ULK4: variants seen among roughly 807,000 people sequenced by gnomAD.
ULK4 encodes unc-51 like kinase 4.
ULK4 carries 133 observed loss-of-function variants against 160.6 expected under a neutral mutation model. The ratio of observed to expected loss-of-function variants is 0.83; its 90% confidence interval spans 0.72 to 0.96. The LOEUF is 0.96. Among genes scored for constraint, ULK4 ranks in the 40% least tolerant of loss-of-function variants. The pLI is 0.00. For synonymous variants in ULK4, 534 were observed against 539.8 expected (o/e 0.99, Z 0.15); for missense variants, 1,580 against 1,499.5 (o/e 1.05, Z -0.89).
chr3:41,384,178 T>C (rs1182330223), intron 35 of ULK4, among the ~76,000 whole-genome samples: 1 of 152,098 alleles, frequency 6.6e-6, no homozygotes, highest in Non-Finnish European at 1.5e-5. Context: ...TGCTTCTTAA[T>C]ATGATATAGT....
At chr3:41,590,309 G>A (rs1328132012) in intron 31 of ULK4, among the ~76,000 whole-genome samples, 1 of 150,682 alleles carries the variant, frequency 6.6e-6, no homozygotes, top group Non-Finnish European at 1.5e-5. Context: ...GCCCCCAAAT[G>A]CAAGTTTTAA....
rs1553638201 is a variant in ULK4, at chr3:41,279,264, A to AAC, written c.3679-29691_3679-29690insGT. ...TTAGAGAAAAAAAGAGTAAAAAAAA[A>AAC]AAAAAAAAAAACAAAACGACAAAGC... On this transcript the variant is annotated intron_variant, in intron 35 of 36. Transcript: ENST00000301831. Among the ~76,000 whole-genome samples, 315 of 144,082 alleles carry AAC rather than the reference A, an allele frequency of 2.2e-3. 1 individual carries two copies. The highest frequency in any genetic ancestry group is 3.4e-3 in the Middle Eastern group (1 of 290). 94.5% of individuals were successfully genotyped at this position (144,082 alleles called of 152,430 possible). A position where few individuals can be genotyped will look rare whatever the true frequency, so the allele number is the denominator to read the frequency against.
At position 41,316,241 on chromosome 3, in the gene ULK4, T is replaced by TA. The variant is rs759210044; in HGVS notation, c.3679-66668dup. Among the ~76,000 whole-genome samples, 192 of 152,314 alleles carry TA rather than the reference T, an allele frequency of 1.3e-3. 3 individuals carry two copies. Among genetic ancestry groups the TA allele is most frequent in the Admixed American group, 9.1e-4 (14 of 15,306 alleles). ...GCACCGACGCATGCTACAAAATAGA[T>TA]AAAATCTGAAAGCATTATACTAAGT... is the stretch of plus-strand genomic sequence containing the variant. On this transcript the variant is annotated intron_variant, in intron 35 of 36. Transcript: ENST00000301831.
chr3:41,953,293 T>TATATACACAC (rs1284756699), intron 2 of ULK4, among the ~76,000 whole-genome samples: 2 of 113,070 alleles, frequency 1.8e-5, no homozygotes, highest in Non-Finnish European at 3.4e-5. Context: ...CACATATATA[T>TATATACACAC]ATATATATAT....
chr3:41,545,163 T>G (rs77504305), intron 32 of ULK4, among the ~76,000 whole-genome samples: 2,503 of 148,262 alleles, frequency 0.017, 76 homozygotes, highest in African/African-American at 0.059. Flanking sequence ...CCGTTTTATT[T>G]TAGGTAATTA....
At chr3:41,782,678 T>C (rs1028523312) in intron 21 of ULK4, among the ~76,000 whole-genome samples, 2 of 152,166 alleles carry the variant, frequency 1.3e-5, no homozygotes, top group African/African-American at 4.8e-5. Flanking sequence ...TGCAAGTACA[T>C]ATAAAACTAC....
At chr3:41,370,432 C>T (rs1316932152) in intron 35 of ULK4, among the ~76,000 whole-genome samples, 2 of 152,162 alleles carry the variant, frequency 1.3e-5, no homozygotes, top group Non-Finnish European at 2.9e-5. Flanking sequence ...GTGATTTCTA[C>T]ATTTCCAACT....
intron 32 of ULK4, among the ~76,000 whole-genome samples, chr3:41,539,455 T>G (rs573416751): frequency 6.6e-6 from 1 of 152,272 alleles, no homozygotes; most frequent in South Asian, 2.1e-4. Context: ...TGAAGCTCAC[T>G]GTTACCCTAC....
rs1434699872 is a variant in ULK4, at chr3:41,896,922, T to C, written c.1430A>G (p.Lys477Arg). The C allele has an allele frequency of 6.2e-7, 1 of 1,613,548 alleles. No individual in the cohort carries two copies. Among genetic ancestry groups the C allele is most frequent in the Non-Finnish European group, 8.5e-7 (1 of 1,179,880 alleles). The part of the protein sequence containing the change: ...QVCSQIDSTE[K>R]SMGASRAKLN... ...CTTGGCTCGGGAGGCCCCCATGCTC[T>C]TCTCAGTGGAGTCGATCTGCGAGCA... The change falls in exon 15 of 37, where the codon AAG (lysine) becomes AGG (arginine). Residue 477 changes from lysine to arginine, a missense_variant. Coordinates refer to ENST00000301831, the MANE Select transcript of ULK4 (RefSeq NM_017886.4).
intron 25 of ULK4, among the ~76,000 whole-genome samples, chr3:41,707,989 T>G (rs1040021844): frequency 2.0e-5 from 3 of 151,976 alleles, no homozygotes. Context: ...TAAGAATGGC[T>G]ATTATCAAAA....
At chr3:41,793,125 A>C (rs2040199605) in intron 20 of ULK4, among the ~76,000 whole-genome samples, 1 of 152,026 alleles carries the variant, frequency 6.6e-6, no homozygotes, top group Admixed American at 6.5e-5. Context: ...ATGAGCCAAG[A>C]TCATGCCACT....
intron 35 of ULK4, among the ~76,000 whole-genome samples, chr3:41,330,187 A>G (rs1284340514): frequency 6.6e-6 from 1 of 151,316 alleles, no homozygotes; most frequent in Admixed American, 6.6e-5. Flanking sequence ...CAAACCCCTC[A>G]CTCCTATTTC....
At chr3:41,932,694 C>T (rs558844248) in intron 4 of ULK4, among the ~76,000 whole-genome samples, 82 of 152,242 alleles carry the variant, frequency 5.4e-4, no homozygotes, top group South Asian at 2.1e-4. Context: ...TATTATTTCC[C>T]GTATTAAAAG....
At chr3:41,793,921 G>A (rs1052299825) in intron 20 of ULK4, among the ~76,000 whole-genome samples, 5 of 152,180 alleles carry the variant, frequency 3.3e-5, no homozygotes, top group Non-Finnish European at 7.3e-5. Flanking sequence ...AAGCCACACT[G>A]GTGTATTTTA....
In ULK4 at chr3:41,398,157, C is replaced by T; in HGVS notation, c.3600G>A (p.Val1200=). 1 of 1,613,512 alleles carries T rather than the reference C, an allele frequency of 6.2e-7. No individual in the cohort carries two copies. Among genetic ancestry groups the T allele is most frequent in the Admixed American group, 1.7e-5 (1 of 59,918 alleles). The change falls in exon 35 of 37, where the codon GTG becomes GTA. Residue 1200 remains valine (V), a synonymous_variant. Coordinates refer to ENST00000301831, the MANE Select transcript of ULK4 (RefSeq NM_017886.4). ...ATGTCAGTAAATGAGCAAAAATTTCCACATTTTCAGGAGAGAGGCTGTCCG... is the reference window on the plus strand; with the variant it reads ...ATGTCAGTAAATGAGCAAAAATTTCTACATTTTCAGGAGAGAGGCTGTCCG... ...ENPDSLSPEN[V]EIFAHLLTSK...
chr3:41,261,617 C>G (rs141906185), intron 35 of ULK4, among the ~76,000 whole-genome samples: 28 of 152,292 alleles, frequency 1.8e-4, no homozygotes, highest in African/African-American at 6.7e-4. Flanking sequence ...ACTGCTCTGC[C>G]GGCCATCTCT....
intron 17 of ULK4, among the ~76,000 whole-genome samples, chr3:41,870,929 G>A (rs1027058257): frequency 3.3e-5 from 5 of 152,106 alleles, no homozygotes; most frequent in Non-Finnish European, 7.4e-5. Context: ...TGAATCATGG[G>A]GGTGGTTTCC....
intron 19 of ULK4, among the ~76,000 whole-genome samples, chr3:41,801,574 G>A (rs1025387542): frequency 4.0e-5 from 6 of 151,794 alleles, no homozygotes; most frequent in Non-Finnish European, 5.9e-5. Flanking sequence ...TATGGACAAG[G>A]AGCAATGTCC....
chr3:41,735,224 A>G (rs2037987099), intron 22 of ULK4, among the ~76,000 whole-genome samples: 1 of 152,218 alleles, frequency 6.6e-6, no homozygotes, highest in African/African-American at 2.4e-5. Context: ...GTACAGGTGA[A>G]GAGGAGAAAC....
Sources: gnomAD v4.1 joint callset for allele counts (sites outside exome capture counted in the v4.1 genomes callset) on GRCh38, gnomAD v4.1.1 for gene constraint, MANE v1.5 for transcripts, NCBI Gene and HGNC (gene_info 2026-07-23, HGNC 2026-07-21) for gene names.